GPATCH8: variants seen among roughly 807,000 people sequenced by gnomAD.
GPATCH8 encodes G-patch domain containing 8.
A neutral mutation model predicts 118.3 loss-of-function variants in GPATCH8; 18 were observed. The observed-to-expected ratio is 0.15, with a 90% CI of 0.11 to 0.23. GPATCH8 has a LOEUF of 0.23. GPATCH8 is among the 10% of genes least tolerant of loss of function. The pLI is 1.00. For missense variants in GPATCH8, 1,631 were observed against 1,873.8 expected, an observed-to-expected ratio of 0.87 and a Z score of 2.39; for synonymous variants, 659 against 684.7, an observed-to-expected ratio of 0.96 and a Z score of 0.59.
intron 2 of GPATCH8, among the ~76,000 whole-genome samples, chr17:44,471,472 G>T (rs959478522): frequency 6.6e-6 from 1 of 151,898 alleles, no homozygotes; most frequent in African/African-American, 2.4e-5. Flanking sequence ...GACCTCCACG[G>T]TTACCAGCTG....
chr17:44,433,363 C>T (rs761369252), intron 5 of GPATCH8, among the ~76,000 whole-genome samples: 1 of 152,184 alleles, frequency 6.6e-6, no homozygotes, highest in African/African-American at 2.4e-5. Flanking sequence ...AGTACTTATG[C>T]ACCACACACT....
intron 2 of GPATCH8, among the ~76,000 whole-genome samples, chr17:44,469,521 T>C (rs931976808): frequency 1.1e-4 from 17 of 152,238 alleles, no homozygotes; most frequent in Non-Finnish European, 2.4e-4. Flanking sequence ...TACAGGTATG[T>C]CCATGACTGG....
At chr17:44,433,305 CT>C (rs1343409981) in intron 5 of GPATCH8, among the ~76,000 whole-genome samples, 12 of 152,100 alleles carry the variant, frequency 7.9e-5, no homozygotes, top group African/African-American at 2.9e-4. Flanking sequence ...ATGAATCTGG[CT>C]TTTCTCACTA....
chr17:44,469,809 C>T (rs1166676769), intron 2 of GPATCH8, among the ~76,000 whole-genome samples: 1 of 152,236 alleles, frequency 6.6e-6, no homozygotes, highest in Non-Finnish European at 1.5e-5. Context: ...CTACACCATT[C>T]AGCTCCAAGA....
chr17:44,411,954 C>T (rs1348823603), intron 6 of GPATCH8, among the ~76,000 whole-genome samples: 1 of 152,144 alleles, frequency 6.6e-6, no homozygotes, highest in African/African-American at 2.4e-5. Context: ...TGGAGTTTCA[C>T]TCTTGTTGCC....
chr17:44,443,135 T>C (rs1376011693), intron 3 of GPATCH8, among the ~76,000 whole-genome samples: 1 of 152,142 alleles, frequency 6.6e-6, no homozygotes, highest in Non-Finnish European at 1.5e-5. Context: ...GAACCTACAC[T>C]GACATCTTTA....
At chr17:44,467,185 T>G (rs1191660165) in intron 2 of GPATCH8, 3 of 568,580 alleles carry the variant, frequency 5.3e-6, no homozygotes, top group Admixed American at 5.4e-5. Flanking sequence ...TTTTTTTTTT[T>G]GTCTTGTTTT....
intron 1 of GPATCH8, among the ~76,000 whole-genome samples, chr17:44,490,654 TA>T (rs35632047): frequency 0.024 from 3,322 of 139,758 alleles, 77 homozygotes; most frequent in African/African-American, 0.066. Context: ...CTAGCTTTTC[TA>T]AAAAAAAAAA....
In GPATCH8 at chr17:44,401,228, G is replaced by A; in HGVS notation, c.849C>T (p.Ile283=). 1 of 1,613,554 alleles carries A rather than the reference G, an allele frequency of 6.2e-7. No individual in the cohort carries two copies. The highest frequency in any genetic ancestry group is 8.5e-7 in the Non-Finnish European group (1 of 1,179,444). The part of the protein sequence containing the change: ...AQAPGLASQG[I]SFGIKNNLGT... ...CCAGATTATTCTTAATGCCAAAGCT[G>A]ATGCCTTGGGAGGCTAACCCAGGAG... The change falls in exon 8 of 8, where the codon ATC becomes ATT. Residue 283 remains isoleucine, a synonymous_variant. Transcript: ENST00000591680.
chr17:44,457,052 G>A (rs2051362204), intron 3 of GPATCH8, among the ~76,000 whole-genome samples: 2 of 151,950 alleles, frequency 1.3e-5, no homozygotes, highest in African/African-American at 4.8e-5. Flanking sequence ...TAGTAGAGAA[G>A]GGGTTTCACC....
At chr17:44,488,456 C>T (rs1968965978) in intron 1 of GPATCH8, among the ~76,000 whole-genome samples, 1 of 151,676 alleles carries the variant, frequency 6.6e-6, no homozygotes, top group Non-Finnish European at 1.5e-5. Flanking sequence ...GCAACCTTCG[C>T]CCCCTGGGTT....
intron 1 of GPATCH8, among the ~76,000 whole-genome samples, chr17:44,482,249 T>C (rs1968310898): frequency 6.6e-6 from 1 of 151,864 alleles, no homozygotes; most frequent in Non-Finnish European, 1.5e-5. Context: ...GGGAAAGCAT[T>C]ACGACAAATA....
In GPATCH8 at chr17:44,400,895, G is replaced by A. The variant is rs2048994546; in HGVS notation, c.1182C>T (p.Tyr394=). The A allele has an allele frequency of 6.2e-7, 1 of 1,613,938 alleles. No homozygotes were observed. Among genetic ancestry groups the A allele is most frequent in the East Asian group, 2.2e-5 (1 of 44,888 alleles). The change falls in exon 8 of 8, where the codon TAC becomes TAT. Residue 394 remains tyrosine (Y), a synonymous_variant. Coordinates refer to ENST00000591680, the MANE Select transcript of GPATCH8 (RefSeq NM_001002909.4). ...EGAGATEPEY[Y]HYIPPAHCKV... ...TGCAGTGTGCTGGGGGGATGTAGTG[G>A]TAATACTCAGGCTCTGTAGCCCCAG...
At chr17:44,497,100 T>TA (rs1032209925) in intron 1 of GPATCH8, among the ~76,000 whole-genome samples, 1 of 152,206 alleles carries the variant, frequency 6.6e-6, no homozygotes, top group Non-Finnish European at 1.5e-5. Flanking sequence ...ATGCCAGACT[T>TA]ACAAGCAAAA....
At chr17:44,479,598 A>C (rs969347218) in intron 1 of GPATCH8, among the ~76,000 whole-genome samples, 1 of 152,252 alleles carries the variant, frequency 6.6e-6, no homozygotes, top group Non-Finnish European at 1.5e-5. Flanking sequence ...AAAAAATACA[A>C]GAGAAAAATC....
In GPATCH8 at chr17:44,398,123, C is replaced by T; in HGVS notation, c.3954G>A (p.Glu1318=). Residue 1318 remains glutamate (E), a synonymous_variant, in exon 8 of 8, where the codon GAG becomes GAA. Coordinates refer to ENST00000591680, the MANE Select transcript of GPATCH8 (RefSeq NM_001002909.4). Reference sequence around the variant, plus strand: ...CAGCCTGCTGGAGCTTGCTGTACTTCTCCATCTCCTCAGGGGTGAAGGTGA... The same window carrying T: ...CAGCCTGCTGGAGCTTGCTGTACTTTTCCATCTCCTCAGGGGTGAAGGTGA... ...QPITFTPEEM[E]KYSKLQQAAQ... The T allele has an allele frequency of 6.2e-7, 1 of 1,614,022 alleles. No individual in the cohort carries two copies. Among genetic ancestry groups the T allele is most frequent in the Non-Finnish European group, 8.5e-7 (1 of 1,179,952 alleles).
At chr17:44,474,419 T>TA (rs1275086224) in intron 2 of GPATCH8, 33 of 259,626 alleles carry the variant, frequency 1.3e-4, no homozygotes, top group South Asian at 3.9e-4. Context: ...ATATAACATT[T>TA]AAAAAAAAAT....
Position 44,400,824 on chromosome 17 carries a change from T to G in GPATCH8, c.1253A>C (p.Glu418Ala). 1.2e-6 allele frequency: 2 copies of G among 1,614,214 alleles called. No homozygotes were observed. The highest frequency in any genetic ancestry group is 1.7e-6 in the Non-Finnish European group (2 of 1,180,010). The change falls in exon 8 of 8, where the codon GAA becomes GCA. Residue 418 changes from glutamate to alanine, a missense_variant. Physicochemically the swap from Glu to Ala is moderately radical, Grantham distance 107. This residue lies in a region of GPATCH8 where 405 missense variants were observed against 462.7 expected (regional missense o/e 0.88). Coordinates refer to ENST00000591680, the MANE Select transcript of GPATCH8 (RefSeq NM_001002909.4). ...TGTAGTATTATCACCATCCATTTGT[T>G]CACTGGCTCTCATAAAAAGTAGAAA... The part of the protein sequence containing the change: ...FPFLLFMRAS[E>A]QMDGDNTTHP...
At chr17:44,419,182 C>T (rs974756217) in intron 6 of GPATCH8, among the ~76,000 whole-genome samples, 32 of 152,152 alleles carry the variant, frequency 2.1e-4, no homozygotes, top group African/African-American at 6.3e-4. Flanking sequence ...TTACTACTAA[C>T]GTAATACATT....
Sources: allele counts gnomAD v4.1 joint callset (sites outside exome capture counted in the v4.1 genomes callset), GRCh38; gene constraint gnomAD v4.1.1; regional missense constraint gnomAD v4.1.1; transcripts MANE v1.5; gene names NCBI Gene and HGNC (gene_info 2026-07-23, HGNC 2026-07-21).